Variants in SLC25A28 observed in about 807,000 individuals in gnomAD.
SLC25A28 encodes solute carrier family 25 member 28.
In SLC25A28, 10 loss-of-function variants were observed where a neutral mutation model predicts 31.9. The ratio of observed to expected loss-of-function variants is 0.31; its 90% CI spans 0.19 to 0.53. SLC25A28 has a LOEUF of 0.53. Among genes scored for constraint, SLC25A28 ranks in the 20% least tolerant of loss-of-function variants. The pLI, the probability that SLC25A28 is intolerant of heterozygous loss-of-function variation, is 0.95. For synonymous variants in SLC25A28, 208 were observed against 203.6 expected, an observed-to-expected ratio of 1.02 and a Z score of -0.19; for missense variants, 256 against 490.3, an observed-to-expected ratio of 0.52 and a Z score of 4.51.
At chr10:99,619,959 G>C (rs1301731643) in intron 1 of SLC25A28, 86 bp downstream of exon 1, 2 of 1,364,968 alleles carry the variant, frequency 1.5e-6, no homozygotes, top group African/African-American at 1.5e-5. Flanking sequence ...TGTCGGCTCC[G>C]GCTCTCAGCC....
the SLC25A28 span, among the ~76,000 whole-genome samples, chr10:99,635,958 C>T: frequency 6.6e-6 from 1 of 152,062 alleles, no homozygotes; most frequent in Non-Finnish European, 1.5e-5. Flanking sequence ...CACCAGAGCT[C>T]CCAAATTTAT....
chr10:99,655,686 G>C, the SLC25A28 span, among the ~76,000 whole-genome samples: 1 of 152,054 alleles, frequency 6.6e-6, no homozygotes, highest in South Asian at 2.1e-4. Flanking sequence ...CCTCCTCCCT[G>C]GGCATTCTTC....
the SLC25A28 span, among the ~76,000 whole-genome samples, chr10:99,641,388 C>G: frequency 0.015 from 2,220 of 152,146 alleles, 63 homozygotes; most frequent in African/African-American, 0.05. Flanking sequence ...CTGTTCATAT[C>G]CTTCGCCCAC....
chr10:99,628,358 T>C, the SLC25A28 span, among the ~76,000 whole-genome samples: 2 of 152,242 alleles, frequency 1.3e-5, no homozygotes, highest in African/African-American at 4.8e-5. Context: ...TTTACATGTT[T>C]TCACAGATCA....
chr10:99,654,489 C>T, the SLC25A28 span, among the ~76,000 whole-genome samples: 2 of 152,022 alleles, frequency 1.3e-5, no homozygotes, highest in Non-Finnish European at 2.9e-5. Context: ...GGTAAAACCC[C>T]GTCTCTACCA....
At chr10:99,638,442 GACTT>G in the SLC25A28 span, among the ~76,000 whole-genome samples, 2 of 152,162 alleles carry the variant, frequency 1.3e-5, no homozygotes, top group African/African-American at 2.4e-5. Context: ...AATTACCTGA[GACTT>G]AATTAAACTG....
chr10:99,632,448 G>A, the SLC25A28 span, among the ~76,000 whole-genome samples: 1 of 152,004 alleles, frequency 6.6e-6, no homozygotes, highest in Admixed American at 6.6e-5. Flanking sequence ...TACTTCACTG[G>A]ATTGTTTAAG....
At chr10:99,616,706 A>C in intron 1 of SLC25A28, 5 of 985,456 alleles carry the variant, frequency 5.1e-6, no homozygotes, top group Non-Finnish European at 6.0e-6. Context: ...TGGTTCTTGT[A>C]ATCTGCTTTT....
the SLC25A28 span, among the ~76,000 whole-genome samples, chr10:99,628,164 G>A: frequency 6.6e-6 from 1 of 152,278 alleles, no homozygotes; most frequent in Non-Finnish European, 1.5e-5. Context: ...TATCTCTCTT[G>A]GGACTATGAT....
chr10:99,641,604 G>T, the SLC25A28 span, among the ~76,000 whole-genome samples: 1 of 152,140 alleles, frequency 6.6e-6, no homozygotes, highest in Non-Finnish European at 1.5e-5. Flanking sequence ...GGCTTTTGTT[G>T]CCATTACTTT....
chr10:99,630,527 G>A, the SLC25A28 span, among the ~76,000 whole-genome samples: 1 of 152,130 alleles, frequency 6.6e-6, no homozygotes, highest in African/African-American at 2.4e-5. Context: ...TTCTGACACA[G>A]GTGGTCCCTG....
At chr10:99,638,765 T>C in the SLC25A28 span, among the ~76,000 whole-genome samples, 2 of 152,154 alleles carry the variant, frequency 1.3e-5, no homozygotes, top group Admixed American at 6.5e-5. Context: ...TGAATGGCCA[T>C]AATCAAAAAA....
At chr10:99,612,667 G>A (rs1301830926) in intron 2 of SLC25A28, 68 bp from the exon 3 acceptor site, 1 of 1,551,384 alleles carries the variant, frequency 6.4e-7, no homozygotes, top group Non-Finnish European at 8.9e-7. Context: ...AGGTCCCCCA[G>A]TGAAGGGGAG....
the SLC25A28 span, chr10:99,653,741 G>A: frequency 6.6e-6 from 1 of 152,038 alleles, no homozygotes; most frequent in African/African-American, 2.4e-5. Flanking sequence ...ATTTCACTTT[G>A]CAGAGTAATT....
At chr10:99,645,920 G>C in the SLC25A28 span, among the ~76,000 whole-genome samples, 1 of 152,178 alleles carries the variant, frequency 6.6e-6, no homozygotes, top group African/African-American at 2.4e-5. Context: ...CCTTCCTCTG[G>C]AAGCTTCATC....
the SLC25A28 span, among the ~76,000 whole-genome samples, chr10:99,641,420 T>A: frequency 7.2e-5 from 11 of 152,186 alleles, no homozygotes; most frequent in African/African-American, 2.4e-4. Context: ...GTTGTTTGAT[T>A]TTTTTCTTGT....
rs905669062 is a variant in SLC25A28 at position 99,615,683 on chromosome 10, C to T, written c.292-1759G>A. 1.4e-5 allele frequency: 14 copies of T among 985,326 alleles called. No homozygotes were observed. In the African/African-American group the frequency reaches 2.1e-4, roughly 15 times the overall value. The allele number at this position is 985,326 out of a possible 1,614,324, so 61.0% of individuals were successfully genotyped here. A position where few individuals can be genotyped will look rare whatever the true frequency, so the allele number is the denominator to read the frequency against. On this transcript the variant is annotated intron_variant, in intron 1 of 3. Transcript: ENST00000370495. ...TTGTTTACTCATCTTTCACATCACA[C>T]AAGGCATATAAAATCCATCAGAAGA...
At chr10:99,621,087 G>T, upstream of SLC25A28, 1 of 668,848 alleles carries the variant, frequency 1.5e-6, no homozygotes, top group Non-Finnish European at 1.9e-6. Flanking sequence ...TGGCTGGCGC[G>T]ACCCGCAGCC....
At chr10:99,616,389 T>C (rs1243414271) in intron 1 of SLC25A28, 2 of 875,814 alleles carry the variant, frequency 2.3e-6, no homozygotes, top group African/African-American at 1.8e-5. Context: ...AGATAAGATA[T>C]GTAAAAGCCA....
Sources: allele counts gnomAD v4.1 joint callset (sites outside exome capture counted in the v4.1 genomes callset), GRCh38; gene constraint gnomAD v4.1.1; transcripts MANE v1.5; gene names NCBI Gene and HGNC (gene_info 2026-07-23, HGNC 2026-07-21).